MAGI3: variants seen among roughly 807,000 people sequenced by gnomAD.
MAGI3 encodes membrane associated guanylate kinase, WW and PDZ domain containing 3.
MAGI3 carries 43 observed loss-of-function variants against 121.8 expected under a neutral mutation model. That is an observed-to-expected ratio of 0.35 (90% CI 0.28 to 0.46). The LOEUF is 0.46. MAGI3 is among the 20% of genes least tolerant of loss of function. The pLI is 1.00. For synonymous variants in MAGI3, 553 were observed against 639.3 expected (o/e 0.86, Z 2.04); for missense variants, 1,547 against 1,797.3 (o/e 0.86, Z 2.52).
intron 1 of MAGI3, among the ~76,000 whole-genome samples, chr1:113,432,687 A>G (rs1357589582): frequency 6.6e-6 from 1 of 152,092 alleles, no homozygotes; most frequent in Non-Finnish European, 1.5e-5. Context: ...GGAAAAAAAT[A>G]AATTTGGCTA....
intron 1 of MAGI3, among the ~76,000 whole-genome samples, chr1:113,497,238 G>A (rs1224247045): frequency 9.5e-6 from 1 of 104,886 alleles, no homozygotes; most frequent in Admixed American, 1.1e-4. Flanking sequence ...AACAGCTCCG[G>A]TCTACAGCTC....
intron 2 of MAGI3, among the ~76,000 whole-genome samples, chr1:113,560,405 AAAAAAAACC>A (rs141710553): frequency 0.067 from 9,844 of 146,374 alleles, 351 homozygotes; most frequent in African/African-American, 0.077. Flanking sequence ...AAAAACAAAC[AAAAAAAACC>A]AAAAAAACAA....
intron 1 of MAGI3, among the ~76,000 whole-genome samples, chr1:113,544,243 G>T (rs1039787514): frequency 2.6e-5 from 4 of 152,186 alleles, no homozygotes; most frequent in Admixed American, 1.3e-4. Context: ...GATCTCATGA[G>T]GTAGAAGAAG....
chr1:113,658,453 A>C lies in MAGI3; in HGVS notation c.2630-627A>C, dbSNP rs1035749071. 5.9e-5 allele frequency among the ~76,000 whole-genome samples: 9 copies of C among 152,186 alleles called. No homozygotes were observed. The highest frequency in any genetic ancestry group is 2.2e-4 in the African/African-American group (9 of 41,454). ...AGTTAACATTTAATGTTCCAATTCCACTCAGCTTTTCAAATTTTAAAAAGA... is the reference window on the plus strand; with the variant it reads ...AGTTAACATTTAATGTTCCAATTCCCCTCAGCTTTTCAAATTTTAAAAAGA... On this transcript the variant is annotated intron_variant, in intron 15 of 20. Transcript: ENST00000307546. This position sits in a 1 kb window ranked among gnomAD's most constrained non-coding sequence, Gnocchi z 4.0.
intron 1 of MAGI3, among the ~76,000 whole-genome samples, chr1:113,451,912 G>A (rs1366282616): frequency 2.0e-5 from 3 of 152,086 alleles, no homozygotes; most frequent in Admixed American, 2.0e-4. Context: ...TCACCCAACT[G>A]GTTAGGTAAA....
chr1:113,586,101 A>ACTT (rs1648351750), intron 4 of MAGI3, among the ~76,000 whole-genome samples: 1 of 152,224 alleles, frequency 6.6e-6, no homozygotes, highest in Non-Finnish European at 1.5e-5. Flanking sequence ...TGTAAAACCA[A>ACTT]CAGAAATTCA....
intron 9 of MAGI3, among the ~76,000 whole-genome samples, chr1:113,628,388 T>G (rs1452064641): frequency 6.6e-6 from 1 of 152,188 alleles, no homozygotes; most frequent in African/African-American, 2.4e-5. Flanking sequence ...TACTTTGTCT[T>G]GAAGATTTGT....
intron 1 of MAGI3, among the ~76,000 whole-genome samples, chr1:113,412,449 A>AG (rs1652052261): frequency 6.6e-6 from 1 of 152,122 alleles, no homozygotes; most frequent in South Asian, 2.1e-4. Flanking sequence ...AATTGCCACA[A>AG]TGTCTTCCAC....
chr1:113,594,545 G>T lies in MAGI3; in HGVS notation c.1003G>T (p.Asp335Tyr). ...TTGTAAGAAAGCCAAAGCCCCTGAA[G>T]ACTGTGAAGATGGAGGTAGAGATTC... The part of the protein sequence containing the change: ...RLCKKAKAPE[D>Y]CEDGELPYGW... The change falls in exon 6 of 21, where the codon GAC becomes TAC. Residue 335 changes from aspartate to tyrosine, a missense_variant. Transcript: ENST00000307546. 6.2e-7 allele frequency: 1 copy of T among 1,612,710 alleles called. No homozygotes were observed. Among genetic ancestry groups the T allele is most frequent in the Non-Finnish European group, 8.5e-7 (1 of 1,179,226 alleles).
chr1:113,555,664 G>A (rs919353338), intron 2 of MAGI3, among the ~76,000 whole-genome samples: 27 of 152,100 alleles, frequency 1.8e-4, no homozygotes, highest in Non-Finnish European at 1.6e-4. Context: ...AATTATTAAC[G>A]ATGGTGGGAG....
At chr1:113,603,399 A>T (rs1169137567) in intron 6 of MAGI3, among the ~76,000 whole-genome samples, 5 of 152,146 alleles carry the variant, frequency 3.3e-5, no homozygotes, top group Non-Finnish European at 7.4e-5. Flanking sequence ...GGCCAAATGG[A>T]TTTACAGCCA....
intron 20 of MAGI3, chr1:113,682,184 T>C: frequency 3.8e-6 from 6 of 1,579,230 alleles, no homozygotes; most frequent in African/African-American, 1.4e-5. Context: ...TTTCACATAG[T>C]CCTAGGCTTT....
In MAGI3 at chr1:113,649,286, G is replaced by A. The variant is rs768708583; in HGVS notation, c.2205G>A (p.Gly735=). The part of the protein sequence containing the change: ...LDVFLRKQES[G]FGFRVLGGDG... ...TTTTTCTTCGAAAACAAGAGTCAGG[G>A]TTTGGCTTCAGGGTGCTAGGAGGAG... The change falls in exon 13 of 21, where the codon GGG becomes GGA. Residue 735 remains glycine (G), a synonymous_variant. Coordinates refer to ENST00000307546, the MANE Select transcript of MAGI3 (RefSeq NM_001142782.2). The A allele has an allele frequency of 2.0e-5, 33 of 1,613,480 alleles. No individual in the cohort carries two copies. The highest frequency in any genetic ancestry group is 2.7e-5 in the Non-Finnish European group (32 of 1,179,804).
chr1:113,412,322 G>T (rs370562289), intron 1 of MAGI3, among the ~76,000 whole-genome samples: 20 of 151,928 alleles, frequency 1.3e-4, no homozygotes, highest in African/African-American at 3.9e-4. Context: ...GAATAGTGCC[G>T]CAATAAACAT....
At chr1:113,666,204 A>C (rs943636014) in intron 16 of MAGI3, among the ~76,000 whole-genome samples, 2 of 152,204 alleles carry the variant, frequency 1.3e-5, no homozygotes, top group African/African-American at 4.8e-5. Context: ...ATTTCTTAAA[A>C]TAAGACAATA....
At chr1:113,507,029 C>G (rs1358692584) in intron 1 of MAGI3, among the ~76,000 whole-genome samples, 2 of 152,076 alleles carry the variant, frequency 1.3e-5, no homozygotes, top group Non-Finnish European at 2.9e-5. Context: ...AGGCAACCTC[C>G]TGATGGGTGA....
chr1:113,456,046 G>A (rs905901572), intron 1 of MAGI3, among the ~76,000 whole-genome samples: 35 of 151,214 alleles, frequency 2.3e-4, no homozygotes, highest in African/African-American at 8.5e-4. Flanking sequence ...TGCCTCCCGG[G>A]TTCACGCCAT....
intron 2 of MAGI3, among the ~76,000 whole-genome samples, chr1:113,570,985 G>A (rs2101703125): frequency 6.6e-6 from 1 of 152,236 alleles, no homozygotes; most frequent in South Asian, 2.1e-4. Flanking sequence ...CGTCCTGAAT[G>A]GTATTGCCTA....
intron 1 of MAGI3, chr1:113,450,769 A>G (rs1226575705): frequency 1.2e-6 from 1 of 833,180 alleles, no homozygotes; most frequent in East Asian, 2.4e-5. Context: ...TTAGTAGGAG[A>G]GAGAGCGAGG....
Sources: gnomAD v4.1 joint callset for allele counts (sites outside exome capture counted in the v4.1 genomes callset) on GRCh38, gnomAD v4.1.1 for gene constraint, Gnocchi (gnomAD v3.1) non-coding constraint, MANE v1.5 for transcripts, NCBI Gene and HGNC (gene_info 2026-07-23, HGNC 2026-07-21) for gene names.